RBPJ: variants seen among roughly 807,000 people sequenced by gnomAD.
RBPJ encodes the protein recombination signal binding protein for immunoglobulin kappa J region, also known as recombining binding protein suppressor of hairless.
Under a neutral mutation model 67.8 loss-of-function variants are expected in RBPJ, and 9 were observed. The observed-to-expected ratio is 0.13, with a 90% CI of 0.08 to 0.23. RBPJ has a LOEUF of 0.23. RBPJ is among the 10% of genes least tolerant of loss of function. RBPJ has a pLI of 1.00. For missense variants in RBPJ, 305 were observed against 595.6 expected (o/e 0.51, Z 5.08); for synonymous variants, 198 against 203.3 (o/e 0.97, Z 0.22).
At chr4:26,415,996 C>T (rs759658268) in intron 4 of RBPJ, among the ~76,000 whole-genome samples, 15 of 152,122 alleles carry the variant, frequency 9.9e-5, no homozygotes, top group Non-Finnish European at 1.9e-4. Flanking sequence ...TAATGTTTTA[C>T]TCTGCTATTT....
the RBPJ span, among the ~76,000 whole-genome samples, chr4:26,108,884 C>G: frequency 4.6e-5 from 7 of 152,110 alleles, no homozygotes; most frequent in Admixed American, 1.3e-4. Flanking sequence ...TCCTTACCCA[C>G]AAAGTAGGGG....
chr4:26,330,002 G>A (rs896563000), intron 1 of RBPJ, among the ~76,000 whole-genome samples: 2 of 152,154 alleles, frequency 1.3e-5, no homozygotes, highest in East Asian at 1.9e-4. Context: ...GGGTAAGATG[G>A]GAGTGGGGTA....
intron 1 of RBPJ, among the ~76,000 whole-genome samples, chr4:26,346,462 C>G (rs1478948874): frequency 6.6e-6 from 1 of 152,172 alleles, no homozygotes; most frequent in Non-Finnish European, 1.5e-5. Context: ...CTACTCCTTA[C>G]TGTACACATG....
At chr4:26,369,073 C>G (rs13128014) in intron 1 of RBPJ, among the ~76,000 whole-genome samples, 75,661 of 152,060 alleles carry the variant, frequency 0.5, 20,084 homozygotes, top group Admixed American at 0.62. Flanking sequence ...ATAGTCATAA[C>G]AGGTATTCAG....
chr4:26,189,855 G>T (rs1454073915), intron 1 of RBPJ, among the ~76,000 whole-genome samples: 1 of 152,102 alleles, frequency 6.6e-6, no homozygotes, highest in African/African-American at 2.4e-5. Context: ...AGCCTGTAGG[G>T]CTCAGCTGTT....
intron 1 of RBPJ, among the ~76,000 whole-genome samples, chr4:26,192,418 A>C (rs1717600141): frequency 6.6e-6 from 1 of 152,222 alleles, no homozygotes; most frequent in Non-Finnish European, 1.5e-5. Flanking sequence ...CTGCACACAC[A>C]AATTCCCCCA....
intron 1 of RBPJ, among the ~76,000 whole-genome samples, chr4:26,354,691 C>T (rs1193256963): frequency 3.3e-5 from 5 of 152,038 alleles, no homozygotes; most frequent in Admixed American, 6.5e-5. Flanking sequence ...CTCAAATGAT[C>T]GGGTCGCCTT....
intron 1 of RBPJ, among the ~76,000 whole-genome samples, chr4:26,358,086 TAAAG>T (rs1421515646): frequency 2.1e-4 from 31 of 150,872 alleles, no homozygotes; most frequent in African/African-American, 7.3e-4. Flanking sequence ...GCCTAGTTAA[TAAAG>T]AATGAATATA....
chr4:26,242,442 G>T (rs1719673498), intron 1 of RBPJ, among the ~76,000 whole-genome samples: 1 of 124,996 alleles, frequency 8.0e-6, no homozygotes, highest in African/African-American at 3.1e-5. Context: ...GCGAGACTCT[G>T]TCTCAAAAAA....
At chr4:26,182,169 C>G (rs1577443737) in intron 1 of RBPJ, among the ~76,000 whole-genome samples, 1 of 152,106 alleles carries the variant, frequency 6.6e-6, no homozygotes, top group African/African-American at 2.4e-5. Context: ...GGTGAAACCC[C>G]GTCTCTACTA....
intron 1 of RBPJ, among the ~76,000 whole-genome samples, chr4:26,260,771 C>T (rs1720499433): frequency 6.6e-6 from 1 of 152,140 alleles, no homozygotes; most frequent in Middle Eastern, 3.2e-3. Flanking sequence ...AAATGCAAAT[C>T]AGCATTTTCT....
chr4:26,235,215 A>C (rs1719417921), intron 1 of RBPJ, among the ~76,000 whole-genome samples: 1 of 152,224 alleles, frequency 6.6e-6, no homozygotes, highest in South Asian at 2.1e-4. Context: ...ACCTTTGGCA[A>C]TGTTAATGAG....
At chr4:26,358,920 C>G (rs1338537167) in intron 1 of RBPJ, among the ~76,000 whole-genome samples, 1 of 152,164 alleles carries the variant, frequency 6.6e-6, no homozygotes, top group East Asian at 1.9e-4. Flanking sequence ...AGTCTTTTCC[C>G]CCTTCCACTG....
At chr4:26,428,445 G>A (rs577368599) in intron 7 of RBPJ, among the ~76,000 whole-genome samples, 8 of 151,766 alleles carry the variant, frequency 5.3e-5, no homozygotes, top group African/African-American at 1.5e-4. Context: ...GAAAAACACT[G>A]ATCTAGAAAA....
chr4:26,215,910 C>T (rs1456685843), intron 1 of RBPJ, among the ~76,000 whole-genome samples: 1 of 152,170 alleles, frequency 6.6e-6, no homozygotes, highest in African/African-American at 2.4e-5. Flanking sequence ...CTTTCTAGGG[C>T]TGATGTAACA....
chr4:26,204,977 C>A (rs796280185), intron 1 of RBPJ, among the ~76,000 whole-genome samples: 8 of 152,296 alleles, frequency 5.3e-5, no homozygotes, highest in African/African-American at 1.9e-4. Flanking sequence ...AGTTGGCCAC[C>A]TTTCCAAAGG....
At chr4:26,109,558 CCTCTCT>C in the RBPJ span, among the ~76,000 whole-genome samples, 10 of 30,100 alleles carry the variant, frequency 3.3e-4, 1 homozygote, top group Middle Eastern at 0.022. Context: ...TGTCCACCTT[CCTCTCT>C]CTCTCTCTCT....
chr4:26,336,629 G>A (rs1049104527), intron 1 of RBPJ, among the ~76,000 whole-genome samples: 1 of 150,736 alleles, frequency 6.6e-6, no homozygotes, highest in African/African-American at 2.4e-5. Context: ...TAGCATGGGT[G>A]GTAGAGCAAG....
intron 1 of RBPJ, among the ~76,000 whole-genome samples, chr4:26,238,668 G>A (rs1231878109): frequency 1.3e-5 from 2 of 152,150 alleles, no homozygotes; most frequent in Non-Finnish European, 2.9e-5. Flanking sequence ...AGATGCAGTC[G>A]TTTTGAGAGC....
Sources: gnomAD v4.1 joint callset for allele counts (sites outside exome capture counted in the v4.1 genomes callset) on GRCh38, gnomAD v4.1.1 for gene constraint, MANE v1.5 for transcripts, NCBI Gene and HGNC (gene_info 2026-07-23, HGNC 2026-07-21) for gene names.